TOX: variants seen among roughly 807,000 people sequenced by gnomAD.
TOX encodes thymocyte selection associated high mobility group box, also known as thymocyte selection-associated high mobility group box protein TOX.
Under a neutral mutation model 53.7 loss-of-function variants are expected in TOX, and 11 were observed. The ratio of observed to expected loss-of-function variants is 0.20; its 90% CI spans 0.13 to 0.34. TOX has a LOEUF of 0.34. Ranked by LOEUF, TOX falls within the 10% of genes least tolerant of loss-of-function variation. The pLI, the probability that TOX is intolerant of heterozygous loss-of-function variation, is 1.00. For missense variants in TOX, 570 were observed against 664.6 expected (o/e 0.86, Z 1.56); for synonymous variants, 225 against 245.3 (o/e 0.92, Z 0.77).
chr8:59,007,189 C>T (rs1438369566), intron 1 of TOX, among the ~76,000 whole-genome samples: 1 of 151,636 alleles, frequency 6.6e-6, no homozygotes, highest in African/African-American at 2.4e-5. Flanking sequence ...TCGGTGTCAC[C>T]ACAGCTCTGC....
chr8:59,113,335 C>T (rs28662120), intron 1 of TOX, among the ~76,000 whole-genome samples: 2,722 of 152,248 alleles, frequency 0.018, 40 homozygotes, highest in African/African-American at 0.041. Context: ...AAATATCAGT[C>T]ATAGTTATTT....
intron 1 of TOX, among the ~76,000 whole-genome samples, chr8:59,059,909 A>C (rs1287318831): frequency 6.7e-6 from 1 of 149,080 alleles, no homozygotes; most frequent in Non-Finnish European, 1.5e-5. Context: ...TATGTTGTAA[A>C]AAAAAAAAAA....
At chr8:58,903,380 T>C (rs1430920479) in intron 3 of TOX, among the ~76,000 whole-genome samples, 1 of 152,160 alleles carries the variant, frequency 6.6e-6, no homozygotes, top group Non-Finnish European at 1.5e-5. Context: ...AGGAGGCGGG[T>C]TAGTCTAAAG....
At chr8:58,942,053 C>CAAA (rs35861451) in intron 2 of TOX, among the ~76,000 whole-genome samples, 4 of 106,366 alleles carry the variant, frequency 3.8e-5, no homozygotes, top group African/African-American at 1.0e-4. Flanking sequence ...GACTCTGTCT[C>CAAA]AAAAAAAAAA....
intron 3 of TOX, among the ~76,000 whole-genome samples, chr8:58,896,853 C>T (rs1229120027): frequency 2.6e-5 from 4 of 152,164 alleles, no homozygotes; most frequent in Admixed American, 6.5e-5. Context: ...CACTCTTCTG[C>T]TTCATACACA....
rs116533573 is a variant in TOX, at chr8:58,988,149, A to T, written c.103-28141T>A. Among the ~76,000 whole-genome samples, 261 of 152,362 alleles carry T rather than the reference A, an allele frequency of 1.7e-3. 1 individual carries two copies. The highest frequency in any genetic ancestry group is 6.0e-3 in the African/African-American group (251 of 41,582). ...TAACTGTAAATGATGAACTAAGGTC[A>T]CAATTTCACCATTGCAAAGACTGAA... On this transcript the variant is annotated intron_variant, in intron 1 of 8. Transcript: ENST00000361421.
intron 5 of TOX, among the ~76,000 whole-genome samples, chr8:58,836,126 A>G (rs950857640): frequency 6.6e-6 from 1 of 152,220 alleles, no homozygotes; most frequent in South Asian, 2.1e-4. Context: ...TGGAGGAGAC[A>G]GCGAGCTATG....
At chr8:59,067,839 C>A (rs1804122585) in intron 1 of TOX, among the ~76,000 whole-genome samples, 1 of 152,102 alleles carries the variant, frequency 6.6e-6, no homozygotes, top group African/African-American at 2.4e-5. Flanking sequence ...ATTTTTCATA[C>A]CCGTTTCTCT....
At chr8:58,835,520 C>T (rs1199973966) in intron 5 of TOX, among the ~76,000 whole-genome samples, 2 of 152,162 alleles carry the variant, frequency 1.3e-5, no homozygotes, top group African/African-American at 2.4e-5. Context: ...ATATTCTCCT[C>T]TTGCTATATT....
In TOX at chr8:58,891,292, C is replaced by T. The variant is rs1014690515; in HGVS notation, c.412-39487G>A. Among the ~76,000 whole-genome samples the T allele has an allele frequency of 2.0e-5, 3 of 152,088 alleles. No individual in the cohort carries two copies. The East Asian group carries it at 5.8e-4, about 29-fold the overall frequency. On this transcript the variant is annotated intron_variant, in intron 3 of 8. Coordinates refer to ENST00000361421, the MANE Select transcript of TOX (RefSeq NM_014729.3). ...CAGAGACATATTAGAAGGTCAAGTA[C>T]ACATTTAGACATGCTAATCTAAATA...
At chr8:58,898,219 T>A (rs1455904418) in intron 3 of TOX, among the ~76,000 whole-genome samples, 1 of 152,182 alleles carries the variant, frequency 6.6e-6, no homozygotes, top group Non-Finnish European at 1.5e-5. Flanking sequence ...TCAAGTGGGA[T>A]TCTGCAGCAT....
chr8:59,076,140 C>T (rs550767286), intron 1 of TOX, among the ~76,000 whole-genome samples: 7 of 152,258 alleles, frequency 4.6e-5, no homozygotes, highest in Non-Finnish European at 7.4e-5. Context: ...CTGCGCAGTA[C>T]ACATCCAAGA....
At chr8:58,934,372 C>T (rs1812310481) in intron 3 of TOX, among the ~76,000 whole-genome samples, 2 of 152,152 alleles carry the variant, frequency 1.3e-5, no homozygotes, top group South Asian at 4.1e-4. Flanking sequence ...TGATAAATTC[C>T]AGAAGGCAAT....
intron 4 of TOX, among the ~76,000 whole-genome samples, chr8:58,844,999 T>G (rs1012654408): frequency 6.6e-6 from 1 of 152,096 alleles, no homozygotes; most frequent in African/African-American, 2.4e-5. Context: ...AAGAAAACAA[T>G]AATCTTTCAC....
At chr8:58,907,029 A>C (rs1811827595) in intron 3 of TOX, among the ~76,000 whole-genome samples, 1 of 152,204 alleles carries the variant, frequency 6.6e-6, no homozygotes, top group Non-Finnish European at 1.5e-5. Flanking sequence ...AAGGCTTAGG[A>C]ATCCTCTACA....
intron 2 of TOX, among the ~76,000 whole-genome samples, chr8:58,939,948 G>A (rs1812408673): frequency 6.6e-6 from 1 of 152,198 alleles, no homozygotes; most frequent in Non-Finnish European, 1.5e-5. Flanking sequence ...ATCATGGGAT[G>A]TAATAAAAAC....
chr8:59,006,663 T>C (rs1813796892), intron 1 of TOX, among the ~76,000 whole-genome samples: 2 of 152,214 alleles, frequency 1.3e-5, no homozygotes, highest in African/African-American at 4.8e-5. Context: ...ATATTAGTAA[T>C]ACTGACAGCA....
chr8:58,900,757 A>T (rs1475136785), intron 3 of TOX, among the ~76,000 whole-genome samples: 2 of 152,284 alleles, frequency 1.3e-5, no homozygotes, highest in Non-Finnish European at 2.9e-5. Context: ...AGTGAAATAT[A>T]TGTATTTCTC....
At chr8:58,817,896 T>G (rs899603826) in intron 6 of TOX, among the ~76,000 whole-genome samples, 2 of 152,184 alleles carry the variant, frequency 1.3e-5, no homozygotes, top group East Asian at 3.8e-4. Context: ...TATAACATAT[T>G]ACTAGATAAT....
Sources: allele counts gnomAD v4.1 joint callset (sites outside exome capture counted in the v4.1 genomes callset), GRCh38; gene constraint gnomAD v4.1.1; transcripts MANE v1.5; gene names NCBI Gene and HGNC (gene_info 2026-07-23, HGNC 2026-07-21).